Variants in DNAJC24 observed in about 807,000 individuals in gnomAD.
The protein encoded by DNAJC24 is DnaJ heat shock protein family (Hsp40) member C24.
DNAJC24 carries 17 observed loss-of-function variants against 18.0 expected under a neutral mutation model. The ratio of observed to expected loss-of-function variants is 0.94; its 90% confidence interval spans 0.65 to 1.42. The LOEUF (loss-of-function observed/expected upper bound fraction) is 1.42, where lower values mean the gene tolerates loss of function less well. Ranked by LOEUF, DNAJC24 falls within the 40% of genes most tolerant of loss-of-function variation. The pLI is 0.00. For synonymous variants in DNAJC24, 55 were observed against 57.7 expected (o/e 0.95, Z 0.21); for missense variants, 158 against 175.6 (o/e 0.90, Z 0.57).
chr11:31,395,173 A>G (rs945113063), intron 2 of DNAJC24, among the ~76,000 whole-genome samples: 3 of 151,968 alleles, frequency 2.0e-5, no homozygotes, highest in African/African-American at 7.3e-5. Flanking sequence ...TAGGAGAGTG[A>G]CCTCCATCTC....
At chr11:31,417,901 GATC>G (rs1952765246) in intron 3 of DNAJC24, among the ~76,000 whole-genome samples, 1 of 151,962 alleles carries the variant, frequency 6.6e-6, no homozygotes, top group Admixed American at 6.6e-5. Context: ...CAAAAGAAAT[GATC>G]ATATGTGTTC....
At chr11:31,384,467 C>A (rs1488564708) in intron 2 of DNAJC24, 1 of 152,300 alleles carries the variant, frequency 6.6e-6, no homozygotes, top group East Asian at 1.9e-4. Flanking sequence ...TCAGTACATT[C>A]TTTGGTTGAA....
At chr11:31,393,579 G>C (rs1952518614) in intron 2 of DNAJC24, among the ~76,000 whole-genome samples, 1 of 152,082 alleles carries the variant, frequency 6.6e-6, no homozygotes, top group Non-Finnish European at 1.5e-5. Flanking sequence ...CCATATCCCT[G>C]CTATGTGAAG....
rs1052136013 is a variant in DNAJC24, at chr11:31,430,971, C to A, written c.*570C>A. The stretch of plus-strand genomic sequence containing the variant: ...GGTCCGTATTTCCAAAGCTTGTAAA[C>A]ACTGCCATCTTCAAATTTAAATGTA... On this transcript the variant is annotated 3_prime_UTR_variant, in exon 5 of 5. Transcript: ENST00000465995. The A allele has an allele frequency of 1.3e-5, 2 of 152,318 alleles. No homozygotes were observed. The highest frequency in any genetic ancestry group is 2.9e-5 in the Non-Finnish European group (2 of 68,032). The allele number at this position is 152,318 out of a possible 1,614,324, so 9.4% of individuals were successfully genotyped here.
chr11:31,374,973 A>T (rs1274383906), intron 2 of DNAJC24, among the ~76,000 whole-genome samples: 1 of 133,366 alleles, frequency 7.5e-6, no homozygotes, highest in Non-Finnish European at 1.7e-5. Flanking sequence ...GCCTTTTTTT[A>T]AAAAATTATT....
intron 2 of DNAJC24, among the ~76,000 whole-genome samples, chr11:31,406,464 T>C (rs921412006): frequency 6.6e-6 from 1 of 152,244 alleles, no homozygotes; most frequent in African/African-American, 2.4e-5. Flanking sequence ...GGCACTGTGC[T>C]GATCTTTGCA....
chr11:31,379,006 G>A (rs1251925467), intron 2 of DNAJC24, among the ~76,000 whole-genome samples: 1 of 152,156 alleles, frequency 6.6e-6, no homozygotes, highest in African/African-American at 2.4e-5. Flanking sequence ...AAACTGCATG[G>A]ATCTGAGTTT....
rs761121050 is a variant in DNAJC24, at chr11:31,370,764, C to G, written c.16C>G (p.Gln6Glu). 1 of 1,608,526 alleles carries G rather than the reference C, an allele frequency of 6.2e-7. No homozygotes were observed. The highest frequency in any genetic ancestry group is 1.7e-5 in the Admixed American group (1 of 59,110). Residue 6 changes from glutamine to glutamate, a missense_variant, in exon 2 of 5, where the codon CAG becomes GAG. Transcript: ENST00000465995. MMAVE[Q>E]MPKKDWYSIL... Reference sequence around the variant, plus strand: ...GGTTCCATGGATGATGGCGGTTGAGCAGATGCCAAAAAAGGATTGGTACAG... The same window carrying G: ...GGTTCCATGGATGATGGCGGTTGAGGAGATGCCAAAAAAGGATTGGTACAG...
chr11:31,370,808 A>G lies in DNAJC24; in HGVS notation c.60A>G (p.Pro20=). 1 of 1,613,212 alleles carries G rather than the reference A, an allele frequency of 6.2e-7. No homozygotes were observed. The highest frequency in any genetic ancestry group is 8.5e-7 in the Non-Finnish European group (1 of 1,179,696). Residue 20 remains proline, a synonymous_variant, in exon 2 of 5, where the codon CCA becomes CCG. Transcript: ENST00000465995. ...KDWYSILGAD[P]SANISDLKQK... ...GGTACAGCATCCTGGGAGCAGACCC[A>G]TCTGCAAATATATCAGACCTAAAAC...
At chr11:31,418,645 T>C (rs1444359138) in intron 3 of DNAJC24, among the ~76,000 whole-genome samples, 1 of 152,166 alleles carries the variant, frequency 6.6e-6, no homozygotes, top group African/African-American at 2.4e-5. Context: ...ATATCTTAGC[T>C]ACTCTGTTAG....
At chr11:31,407,909 TAA>T (rs913805166) in intron 2 of DNAJC24, among the ~76,000 whole-genome samples, 5 of 145,192 alleles carry the variant, frequency 3.4e-5, no homozygotes, top group African/African-American at 5.0e-5. Flanking sequence ...GCCCCTCTCT[TAA>T]AAAAAAAAAA....
chr11:31,389,868 A>G (rs573538390), intron 2 of DNAJC24, among the ~76,000 whole-genome samples: 2 of 152,354 alleles, frequency 1.3e-5, no homozygotes, highest in South Asian at 2.1e-4. Context: ...TTTGGAAACT[A>G]TATAAATACA....
intron 2 of DNAJC24, among the ~76,000 whole-genome samples, chr11:31,386,688 G>A (rs1454578732): frequency 2.0e-5 from 3 of 152,084 alleles, no homozygotes; most frequent in Non-Finnish European, 4.4e-5. Context: ...TGGTGGCCAT[G>A]GAGAGAGACT....
intron 3 of DNAJC24, chr11:31,416,350 G>T (rs549977090): frequency 3.3e-5 from 5 of 152,230 alleles, no homozygotes; most frequent in African/African-American, 9.6e-5. Flanking sequence ...CTACCCGTTG[G>T]TGTATCTTTT....
chr11:31,381,228 G>A (rs1952374258), intron 2 of DNAJC24, among the ~76,000 whole-genome samples: 1 of 152,022 alleles, frequency 6.6e-6, no homozygotes, highest in South Asian at 2.1e-4. Flanking sequence ...CCTTTTACTG[G>A]TTAAGGTTAT....
chr11:31,418,255 T>C (rs1952769583), intron 3 of DNAJC24, among the ~76,000 whole-genome samples: 1 of 152,150 alleles, frequency 6.6e-6, no homozygotes, highest in African/African-American at 2.4e-5. Flanking sequence ...TAAATGGAGA[T>C]TGACCTACTG....
chr11:31,393,202 A>T (rs1489868634), intron 2 of DNAJC24, among the ~76,000 whole-genome samples: 1 of 152,144 alleles, frequency 6.6e-6, no homozygotes, highest in East Asian at 1.9e-4. Flanking sequence ...CTAACCAGAG[A>T]TATAAGCTTC....
rs186394683 is a variant in DNAJC24, at chr11:31,384,115, T to G, written c.111+13256T>G. 2.0e-4 allele frequency among the ~76,000 whole-genome samples: 30 copies of G among 152,324 alleles called. 1 individual carries two copies. Among genetic ancestry groups the G allele is most frequent in the Non-Finnish European group, 8.8e-5 (6 of 68,030 alleles). On this transcript the variant is annotated intron_variant, in intron 2 of 4. Transcript: ENST00000465995. ...GTATTTCATCTTCATTTTGTAGTTC[T>G]CAATGAAAAGAATAGACTAGCGCTA...
At chr11:31,373,427 G>A (rs1317525638) in intron 2 of DNAJC24, among the ~76,000 whole-genome samples, 1 of 134,832 alleles carries the variant, frequency 7.4e-6, no homozygotes, top group East Asian at 1.9e-4. Flanking sequence ...GGCAATATGA[G>A]TCTATTACTG....
Sources: gnomAD v4.1 joint callset for allele counts (sites outside exome capture counted in the v4.1 genomes callset) on GRCh38, gnomAD v4.1.1 for gene constraint, MANE v1.5 for transcripts, NCBI Gene and HGNC (gene_info 2026-07-23, HGNC 2026-07-21) for gene names.